Variants in ULK2 observed in about 807,000 individuals in gnomAD.
ULK2 encodes the protein serine/threonine-protein kinase ULK2.
ULK2 carries 76 observed loss-of-function variants against 127.5 expected under a neutral mutation model. The ratio of observed to expected loss-of-function variants is 0.60; its 90% CI spans 0.50 to 0.72. The LOEUF is 0.72. Ranked by LOEUF, ULK2 falls within the 30% of genes least tolerant of loss-of-function variation. The probability of loss-of-function intolerance (pLI) is 0.00; values close to 1 mark genes in which losing one functional copy is unlikely to be tolerated. For synonymous variants in ULK2, 452 were observed against 461.9 expected (o/e 0.98, Z 0.28); for missense variants, 1,144 against 1,295.9 (o/e 0.88, Z 1.80).
At chr17:19,784,212 T>G (rs1167523871) in intron 21 of ULK2, among the ~76,000 whole-genome samples, 1 of 152,100 alleles carries the variant, frequency 6.6e-6, no homozygotes, top group African/African-American at 2.4e-5. Flanking sequence ...ATTATAAAAC[T>G]CAATGGATGC....
At chr17:19,818,219 G>T (rs2041043228) in intron 12 of ULK2, among the ~76,000 whole-genome samples, 2 of 151,926 alleles carry the variant, frequency 1.3e-5, no homozygotes, top group Non-Finnish European at 2.9e-5. Context: ...GCTACTCGGG[G>T]GGTTGAGGCA....
intron 13 of ULK2, among the ~76,000 whole-genome samples, chr17:19,811,763 A>G (rs1346148415): frequency 1.3e-5 from 2 of 152,210 alleles, no homozygotes; most frequent in African/African-American, 4.8e-5. Context: ...TTGAAACTCA[A>G]TAATTTGATT....
At chr17:19,802,992 G>T (rs2087432998) in intron 15 of ULK2, among the ~76,000 whole-genome samples, 1 of 152,096 alleles carries the variant, frequency 6.6e-6, no homozygotes, top group Non-Finnish European at 1.5e-5. Flanking sequence ...ACCTGTCAAG[G>T]TATAACAGAA....
chr17:19,847,033 T>G (rs1483660545), intron 5 of ULK2, 123 bp from the exon 6 acceptor site: 1 of 896,072 alleles, frequency 1.1e-6, no homozygotes, highest in Non-Finnish European at 1.6e-6. Context: ...GGATTCACAT[T>G]TATTTATTTT....
intron 25 of ULK2, among the ~76,000 whole-genome samples, chr17:19,780,166 C>T (rs542340517): frequency 5.9e-4 from 87 of 148,300 alleles, no homozygotes; most frequent in Non-Finnish European, 6.1e-4. Context: ...AGAGTAACTC[C>T]GTCTCAAGAA....
chr17:19,823,557 T>C (rs1284956625), intron 12 of ULK2, among the ~76,000 whole-genome samples: 5 of 152,234 alleles, frequency 3.3e-5, no homozygotes, highest in Non-Finnish European at 7.3e-5. Context: ...TTACATTGTG[T>C]CAAATATATG....
At chr17:19,830,892 T>C (rs2041423034) in intron 10 of ULK2, among the ~76,000 whole-genome samples, 1 of 151,994 alleles carries the variant, frequency 6.6e-6, no homozygotes, top group South Asian at 2.1e-4. Flanking sequence ...CCATGCGTGG[T>C]GGCACGCAGC....
intron 12 of ULK2, among the ~76,000 whole-genome samples, chr17:19,818,803 T>TC (rs2041062109): frequency 7.6e-6 from 1 of 131,044 alleles, no homozygotes; most frequent in South Asian, 2.6e-4. Context: ...TTTTCTTTTT[T>TC]TTTTTTTTTT....
intron 13 of ULK2, among the ~76,000 whole-genome samples, chr17:19,815,352 C>T (rs2040961976): frequency 6.6e-6 from 1 of 152,090 alleles, no homozygotes; most frequent in Non-Finnish European, 1.5e-5. Context: ...CCTCCCCCTC[C>T]CAGGGACCCC....
rs562622752 is a variant in ULK2 at position 19,837,106 on chromosome 17, A to C, written c.787+1395T>G. On this transcript the variant is annotated intron_variant, in intron 10 of 26. Transcript: ENST00000395544. ...GCCTTTTCTCTAATAAAAGAAAAAA[A>C]AAAAACAAAAGAATCTATTTAATAA... Among the ~76,000 whole-genome samples, 10 of 152,096 alleles carry C rather than the reference A, an allele frequency of 6.6e-5. No individual in the cohort carries two copies. In the East Asian group the frequency reaches 7.7e-4, roughly 12 times the overall value.
chr17:19,836,276 G>A (rs920045290), intron 10 of ULK2, among the ~76,000 whole-genome samples: 1 of 152,080 alleles, frequency 6.6e-6, no homozygotes. Context: ...GGGCATAGTG[G>A]CATGTGCCTG....
chr17:19,801,851 G>A lies in ULK2; in HGVS notation c.1367C>T (p.Pro456Leu), dbSNP rs780428415. ...TCCAACTGTCTGTGCTGTGTCTGCT[G>A]GTACTGGGGAGCATGATCCCGGCCG... is the stretch of plus-strand genomic sequence containing the variant. ...FLRPGSCSPV[P>L]ADTAQTVGRR... Residue 456 changes from proline (P) to leucine (L), a missense_variant, in exon 16 of 27, where the codon CCA (proline) becomes CTA (leucine). Pro to Leu is a moderately conservative substitution (Grantham distance 98). Around this residue, in one of 2 missense-constraint regions of ULK2, gnomAD observed 913 missense variants for 970.5 expected, o/e 0.94. Coordinates refer to ENST00000395544, the MANE Select transcript of ULK2 (RefSeq NM_014683.4). 2.5e-6 allele frequency: 4 copies of A among 1,614,214 alleles called. No individual in the cohort carries two copies. The highest frequency in any genetic ancestry group is 1.3e-5 in the African/African-American group (1 of 75,068).
At chr17:19,849,557 A>G in intron 4 of ULK2, 152 bp from the exon 5 acceptor site, 1 of 934,134 alleles carries the variant, frequency 1.1e-6, no homozygotes, top group Non-Finnish European at 1.6e-6. Context: ...TAAATTTTAT[A>G]TTCCTTGAGT....
Position 19,867,506 on chromosome 17 carries a change from C to G in ULK2, c.-89G>C. On this transcript the variant is annotated 5_prime_UTR_variant, in exon 1 of 27. Coordinates refer to ENST00000395544, the MANE Select transcript of ULK2 (RefSeq NM_014683.4). ...CGCGGCTCCGCGGGCCCGGAGCGCGCCAGCGTGCGGCGGGTCTGGGGCAGC... is the reference window on the plus strand; with the variant it reads ...CGCGGCTCCGCGGGCCCGGAGCGCGGCAGCGTGCGGCGGGTCTGGGGCAGC... 1 of 1,015,972 alleles carries G rather than the reference C, an allele frequency of 9.8e-7. No homozygotes were observed. Among genetic ancestry groups the G allele is most frequent in the Non-Finnish European group, 1.3e-6 (1 of 763,306 alleles). The allele number at this position is 1,015,972 out of a possible 1,614,324, so 62.9% of individuals were successfully genotyped here.
At position 19,786,034 on chromosome 17, in the gene ULK2, T is replaced by A. The variant is rs550642005; in HGVS notation, c.2154A>T (p.Ala718=). The part of the protein sequence containing the change: ...GVLAPPAGTA[A]SSKAVLFTVG... ...CAGTGAAGAGGACAGCCTTGGAACT[T>A]GCTGCTGTACCTGCAGGAGGTGCCA... is the stretch of plus-strand genomic sequence containing the variant. The change falls in exon 21 of 27, where the codon GCA becomes GCT. Residue 718 remains alanine, a synonymous_variant. Coordinates refer to ENST00000395544, the MANE Select transcript of ULK2 (RefSeq NM_014683.4). The A allele has an allele frequency of 6.4e-7, 1 of 1,574,554 alleles. No individual in the cohort carries two copies. Among genetic ancestry groups the A allele is most frequent in the East Asian group, 2.4e-5 (1 of 41,966 alleles).
intron 5 of ULK2, 82 bp downstream of exon 5, chr17:19,849,287 T>G: frequency 8.4e-7 from 1 of 1,186,914 alleles, no homozygotes; most frequent in Non-Finnish European, 1.2e-6. Flanking sequence ...AGAAAATGGG[T>G]AGTGTATTTC....
intron 10 of ULK2, among the ~76,000 whole-genome samples, chr17:19,826,882 G>A (rs1332787571): frequency 2.0e-5 from 3 of 151,860 alleles, no homozygotes; most frequent in Admixed American, 6.6e-5. Context: ...GCGTGAACCC[G>A]GGAGGCGGAG....
At position 19,825,184 on chromosome 17, in the gene ULK2, T is replaced by C. The variant is rs754842460; in HGVS notation, c.836-2A>G. The C allele has an allele frequency of 6.2e-7, 1 of 1,613,968 alleles. No individual in the cohort carries two copies. Among genetic ancestry groups the C allele is most frequent in the South Asian group, 1.1e-5 (1 of 90,994 alleles). On this transcript the variant is annotated splice_acceptor_variant, in intron 11 of 26. Coordinates refer to ENST00000395544, the MANE Select transcript of ULK2 (RefSeq NM_014683.4). LOFTEE classifies it high-confidence loss of function. ...ACATGGGCACTGGAACTGGGCAAGC[T>C]AGGGGAAGAAACACAAATGAACTAC...
intron 26 of ULK2, among the ~76,000 whole-genome samples, chr17:19,777,108 C>T (rs1013484172): frequency 6.6e-6 from 1 of 152,110 alleles, no homozygotes; most frequent in African/African-American, 2.4e-5. Context: ...TATCTACCTA[C>T]CTACCTAACT....
Sources: gnomAD v4.1 joint callset for allele counts (sites outside exome capture counted in the v4.1 genomes callset) on GRCh38, gnomAD v4.1.1 for gene constraint, gnomAD v4.1.1 regional missense constraint, MANE v1.5 for transcripts, NCBI Gene and HGNC (gene_info 2026-07-23, HGNC 2026-07-21) for gene names.